Variants in CEP63 observed in about 807,000 individuals in gnomAD.
CEP63 encodes centrosomal protein 63, also known as centrosomal protein of 63 kDa.
CEP63 carries 84 observed loss-of-function variants against 89.1 expected under a neutral mutation model. The ratio of observed to expected loss-of-function variants is 0.94; its 90% CI spans 0.79 to 1.13. The LOEUF (loss-of-function observed/expected upper bound fraction) is 1.13. Among genes scored for constraint, CEP63 ranks in the 50% most tolerant of loss-of-function variants. CEP63 has a pLI of 0.00. For missense variants in CEP63, 838 were observed against 813.3 expected, an observed-to-expected ratio of 1.03 and a Z score of -0.37; for synonymous variants, 267 against 272.5, an observed-to-expected ratio of 0.98 and a Z score of 0.20.
intron 3 of CEP63, among the ~76,000 whole-genome samples, chr3:134,526,478 G>A (rs944173608): frequency 6.6e-6 from 1 of 152,030 alleles, no homozygotes; most frequent in African/African-American, 2.4e-5. Context: ...CTATACTGCC[G>A]ATTTTGTCTG....
At chr3:134,568,579 G>C (rs1957882756), downstream of CEP63, among the ~76,000 whole-genome samples, 1 of 152,100 alleles carries the variant, frequency 6.6e-6, no homozygotes, top group Non-Finnish European at 1.5e-5. Context: ...AATAAATTCT[G>C]GACCATGGGC....
At chr3:134,557,235 A>G (rs544456254) in intron 12 of CEP63, among the ~76,000 whole-genome samples, 1 of 152,256 alleles carries the variant, frequency 6.6e-6, no homozygotes, top group African/African-American at 2.4e-5. Context: ...TTTATCTGGC[A>G]TTGACAACTT....
the CEP63 span, among the ~76,000 whole-genome samples, chr3:134,753,967 A>C: frequency 6.6e-6 from 1 of 152,174 alleles, no homozygotes; most frequent in African/African-American, 2.4e-5. Context: ...GGTTCTATGC[A>C]TGTGTGTTGC....
the CEP63 span, among the ~76,000 whole-genome samples, chr3:134,636,819 T>A: frequency 1.3e-5 from 2 of 152,252 alleles, no homozygotes; most frequent in Admixed American, 1.3e-4. Flanking sequence ...TAATAATACC[T>A]GGTTGTGTTG....
At chr3:134,566,947 A>G (rs941199223), downstream of CEP63, among the ~76,000 whole-genome samples, 4 of 152,210 alleles carry the variant, frequency 2.6e-5, no homozygotes, top group African/African-American at 9.6e-5. Flanking sequence ...AAATATATCC[A>G]CACAAAAATT....
At chr3:134,656,413 C>T in the CEP63 span, among the ~76,000 whole-genome samples, 3 of 152,180 alleles carry the variant, frequency 2.0e-5, no homozygotes, top group Non-Finnish European at 4.4e-5. Flanking sequence ...CAGCCAAAGC[C>T]AGTCTGCTGT....
At chr3:134,518,336 T>C (rs1946664850) in intron 3 of CEP63, among the ~76,000 whole-genome samples, 1 of 152,186 alleles carries the variant, frequency 6.6e-6, no homozygotes, top group Non-Finnish European at 1.5e-5. Flanking sequence ...AATAGAACAT[T>C]GTACCTAGTA....
At chr3:134,676,124 A>C in the CEP63 span, among the ~76,000 whole-genome samples, 2 of 152,242 alleles carry the variant, frequency 1.3e-5, no homozygotes, top group Non-Finnish European at 2.9e-5. Context: ...TCACCCTAAA[A>C]TGTATACGTA....
chr3:134,488,705 G>T (rs1356743830), intron 1 of CEP63, among the ~76,000 whole-genome samples: 1 of 152,172 alleles, frequency 6.6e-6, no homozygotes, highest in Non-Finnish European at 1.5e-5. Context: ...TTTCCGCCCT[G>T]TCGGTGTTGA....
the CEP63 span, chr3:134,607,179 A>T: frequency 4.1e-6 from 4 of 985,496 alleles, no homozygotes; most frequent in Non-Finnish European, 4.8e-6. Context: ...CAAGCCCTGC[A>T]TCTGTTGTAA....
In CEP63 at chr3:134,559,359, A is replaced by G. The variant is rs779987383; in HGVS notation, c.1883A>G (p.Asp628Gly). 3 of 1,614,092 alleles carry G rather than the reference A, an allele frequency of 1.9e-6. No individual in the cohort carries two copies. Among genetic ancestry groups the G allele is most frequent in the Non-Finnish European group, 2.5e-6 (3 of 1,179,924 alleles). The change falls in exon 14 of 15, where the codon GAT becomes GGT. Residue 628 changes from aspartate (D) to glycine (G), a missense_variant. Coordinates refer to ENST00000675561, the MANE Select transcript of CEP63 (RefSeq NM_001353108.3). Reference sequence around the variant, plus strand: ...ACTCATTCTTTGCCTTCAGCGCTAGATACAAATGAAGCCAATTTTTCTGAC... The same window carrying G: ...ACTCATTCTTTGCCTTCAGCGCTAGGTACAAATGAAGCCAATTTTTCTGAC... The part of the protein sequence containing the change: ...CKTHSLPSAL[D>G]TNEANFSDTM...
At chr3:134,576,596 C>T (rs1395083705), downstream of CEP63, among the ~76,000 whole-genome samples, 1 of 152,214 alleles carries the variant, frequency 6.6e-6, no homozygotes, top group African/African-American at 2.4e-5. Flanking sequence ...GCTGTATGCC[C>T]TTGGGCAGTT....
chr3:134,489,680 A>G (rs749280674), intron 1 of CEP63, among the ~76,000 whole-genome samples: 5 of 152,118 alleles, frequency 3.3e-5, no homozygotes, highest in Non-Finnish European at 7.3e-5. Flanking sequence ...TTTATGAAGA[A>G]CTTTCCCTTT....
chr3:134,590,319 T>C (rs928403328), downstream of CEP63, among the ~76,000 whole-genome samples: 1 of 152,142 alleles, frequency 6.6e-6, no homozygotes, highest in African/African-American at 2.4e-5. Context: ...TATAAATGAT[T>C]AGAATTAATT....
chr3:134,499,714 A>G (rs926980951), intron 2 of CEP63, among the ~76,000 whole-genome samples: 1 of 151,352 alleles, frequency 6.6e-6, no homozygotes, highest in Admixed American at 6.6e-5. Context: ...GTATCCTATC[A>G]TCCAAAGAAT....
intron 12 of CEP63, among the ~76,000 whole-genome samples, chr3:134,554,545 C>G (rs1283635723): frequency 1.0e-4 from 15 of 148,706 alleles, no homozygotes; most frequent in South Asian, 2.1e-4. Flanking sequence ...AATAAACATA[C>G]GTGTGCATGT....
chr3:134,656,356 G>C, the CEP63 span, among the ~76,000 whole-genome samples: 3 of 152,194 alleles, frequency 2.0e-5, no homozygotes, highest in Non-Finnish European at 4.4e-5. Context: ...AGGCCAGTCT[G>C]GTTGGTGCTA....
downstream of CEP63, among the ~76,000 whole-genome samples, chr3:134,589,580 T>C (rs1191373844): frequency 4.2e-5 from 3 of 70,914 alleles, no homozygotes; most frequent in Admixed American, 2.0e-4. Flanking sequence ...ATGGCTATTA[T>C]TAAAATGTCA....
chr3:134,752,558 T>C, the CEP63 span, among the ~76,000 whole-genome samples: 77 of 152,248 alleles, frequency 5.1e-4, no homozygotes, highest in Admixed American at 1.2e-3. Flanking sequence ...GGATGTCAGA[T>C]GATTACATAC....
Sources: allele counts gnomAD v4.1 joint callset (sites outside exome capture counted in the v4.1 genomes callset), GRCh38; gene constraint gnomAD v4.1.1; transcripts MANE v1.5; gene names NCBI Gene and HGNC (gene_info 2026-07-23, HGNC 2026-07-21).